SLC8A1: variants seen among roughly 807,000 people sequenced by gnomAD.
The protein encoded by SLC8A1 is solute carrier family 8 member A1.
SLC8A1 carries 18 observed loss-of-function variants against 68.3 expected under a neutral mutation model. The ratio of observed to expected loss-of-function variants is 0.26; its 90% CI spans 0.18 to 0.39. The LOEUF is 0.39. Ranked by LOEUF, SLC8A1 falls within the 10% of genes least tolerant of loss-of-function variation. SLC8A1 has a pLI of 1.00. For missense variants in SLC8A1, 985 were observed against 1,156.7 expected, an observed-to-expected ratio of 0.85 and a Z score of 2.15; for synonymous variants, 475 against 415.5, an observed-to-expected ratio of 1.14 and a Z score of -1.74.
intron 2 of SLC8A1, among the ~76,000 whole-genome samples, chr2:40,302,051 G>T (rs2149269673): frequency 6.6e-6 from 1 of 151,076 alleles, no homozygotes; most frequent in South Asian, 2.1e-4. Flanking sequence ...GTGTGTGTGT[G>T]TGTGTGTGTG....
intron 2 of SLC8A1, among the ~76,000 whole-genome samples, chr2:40,329,803 A>T (rs1266712648): frequency 6.6e-6 from 1 of 152,188 alleles, no homozygotes; most frequent in Non-Finnish European, 1.5e-5. Flanking sequence ...ATCCCACTGC[A>T]TGTGATGCTG....
chr2:40,215,726 C>G (rs1190420340), intron 2 of SLC8A1, among the ~76,000 whole-genome samples: 1 of 150,542 alleles, frequency 6.6e-6, no homozygotes, highest in Non-Finnish European at 1.5e-5. Context: ...GAACTCCTGG[C>G]TTCAAGCAAT....
At chr2:40,116,362 T>G (rs1469379580) in intron 7 of SLC8A1, among the ~76,000 whole-genome samples, 1 of 152,244 alleles carries the variant, frequency 6.6e-6, no homozygotes, top group Admixed American at 6.5e-5. Context: ...GTGCACATTG[T>G]GCAGGTTAGT....
chr2:40,423,682 A>G (rs1696110621), intron 2 of SLC8A1, among the ~76,000 whole-genome samples: 1 of 152,046 alleles, frequency 6.6e-6, no homozygotes, highest in Admixed American at 6.6e-5. Flanking sequence ...TGCTGGAAAA[A>G]TAAGATTATA....
At chr2:40,429,303 C>G in exon 2 of SLC8A1, 1 of 1,613,900 alleles carries the variant, frequency 6.2e-7, no homozygotes, top group Non-Finnish European at 8.5e-7. Context: ...GAATCCTAGC[C>G]ATTTCTCGCC....
exon 8 of SLC8A1, chr2:40,101,690 T>TTAAGCA (rs2125026197): frequency 6.6e-6 from 1 of 152,142 alleles, no homozygotes; most frequent in Non-Finnish European, 1.5e-5. Flanking sequence ...CATTTAAACC[T>TTAAGCA]TTTCTTAAGG....
intron 2 of SLC8A1, among the ~76,000 whole-genome samples, chr2:40,260,402 A>G (rs1559002147): frequency 6.6e-6 from 1 of 152,164 alleles, no homozygotes. Flanking sequence ...CAACCTCACC[A>G]AATCGACTTT....
chr2:40,260,282 G>C (rs1574861453), intron 2 of SLC8A1, among the ~76,000 whole-genome samples: 1 of 152,162 alleles, frequency 6.6e-6, no homozygotes, highest in African/African-American at 2.4e-5. Context: ...AGGGAACCAG[G>C]GAAGGGCTGT....
At chr2:40,238,241 G>A (rs1198371597) in intron 2 of SLC8A1, among the ~76,000 whole-genome samples, 1 of 152,226 alleles carries the variant, frequency 6.6e-6, no homozygotes, top group Non-Finnish European at 1.5e-5. Flanking sequence ...AGACTGCTGT[G>A]CTAGCAATCA....
intron 2 of SLC8A1, among the ~76,000 whole-genome samples, chr2:40,347,249 C>A (rs543127093): frequency 6.6e-6 from 1 of 152,224 alleles, no homozygotes; most frequent in Non-Finnish European, 1.5e-5. Flanking sequence ...ATCGTTCCAA[C>A]CTTGGCCTCC....
intron 2 of SLC8A1, among the ~76,000 whole-genome samples, chr2:40,398,808 A>G (rs1438964703): frequency 6.6e-6 from 1 of 152,172 alleles, no homozygotes; most frequent in Non-Finnish European, 1.5e-5. Flanking sequence ...TGACAGTTAC[A>G]GCTCTTCTTC....
intron 2 of SLC8A1, among the ~76,000 whole-genome samples, chr2:40,400,153 C>A (rs569834214): frequency 1.3e-5 from 2 of 152,282 alleles, no homozygotes; most frequent in East Asian, 3.9e-4. Context: ...ATTGCTCACT[C>A]GGTGAGCTCG....
chr2:40,224,294 G>T (rs427632), intron 2 of SLC8A1, among the ~76,000 whole-genome samples: 31 of 152,068 alleles, frequency 2.0e-4, no homozygotes, highest in African/African-American at 6.5e-4. Flanking sequence ...GGCTTCAGGA[G>T]GCAGAGTCAG....
chr2:40,485,525 G>A (rs1415323033), intron 1 of SLC8A1, among the ~76,000 whole-genome samples: 1 of 152,192 alleles, frequency 6.6e-6, no homozygotes, highest in African/African-American at 2.4e-5. Flanking sequence ...GGGATGTTAA[G>A]CAATGAGCCA....
intron 2 of SLC8A1, among the ~76,000 whole-genome samples, chr2:40,205,422 T>G (rs1325581117): frequency 6.6e-6 from 1 of 152,068 alleles, no homozygotes; most frequent in Non-Finnish European, 1.5e-5. Context: ...TCTCTCGTTC[T>G]TTTTTATGAC....
chr2:40,113,640 G>A (rs1305207976), exon 8 of SLC8A1: 1 of 152,552 alleles, frequency 6.6e-6, no homozygotes, highest in African/African-American at 2.4e-5. Flanking sequence ...GCTCAAAATA[G>A]CCTTTTAAGT....
rs1399726387 is a variant in SLC8A1, at chr2:40,115,644, G to C, written c.2438-15C>G. The C allele has an allele frequency of 6.3e-6, 10 of 1,597,382 alleles. No individual in the cohort carries two copies. In the African/African-American group the frequency reaches 1.2e-4, roughly 19 times the overall value. ...GGCAAATGTGTCTGCAGAGGAAGAA[G>C]AGAAAGTCAATGACACTCAATCTTT... On this transcript the variant is annotated splice_polypyrimidine_tract_variant and intron_variant, in intron 7 of 7. Coordinates refer to ENST00000406785, the Ensembl canonical transcript of SLC8A1.
intron 2 of SLC8A1, among the ~76,000 whole-genome samples, chr2:40,365,487 T>G (rs1414635447): frequency 6.6e-6 from 1 of 152,086 alleles, no homozygotes; most frequent in Non-Finnish European, 1.5e-5. Context: ...CCTAACAATC[T>G]ATACCTTCTG....
At chr2:40,323,480 C>A (rs1244919184) in intron 2 of SLC8A1, among the ~76,000 whole-genome samples, 1 of 152,110 alleles carries the variant, frequency 6.6e-6, no homozygotes, top group Non-Finnish European at 1.5e-5. Context: ...TAAAACAAAT[C>A]TGGATTCTGA....
Sources: allele counts gnomAD v4.1 joint callset (sites outside exome capture counted in the v4.1 genomes callset), GRCh38; gene constraint gnomAD v4.1.1; transcripts MANE v1.5; gene names NCBI Gene and HGNC (gene_info 2026-07-23, HGNC 2026-07-21).